Variants in SATB1 observed in about 807,000 individuals in gnomAD.
The protein encoded by SATB1 is SATB homeobox 1.
In SATB1, 11 loss-of-function variants were observed where a neutral mutation model predicts 86.9. The ratio of observed to expected loss-of-function variants is 0.13; its 90% CI spans 0.08 to 0.21. The LOEUF is 0.21. Among genes scored for constraint, SATB1 ranks in the 10% least tolerant of loss-of-function variants. The probability of loss-of-function intolerance (pLI) is 1.00; values close to 1 mark genes in which losing one functional copy is unlikely to be tolerated. For missense variants in SATB1, 551 were observed against 937.6 expected, an observed-to-expected ratio of 0.59 and a Z score of 5.39; for synonymous variants, 357 against 357.2, an observed-to-expected ratio of 1.00 and a Z score of 0.01.
Position 18,349,248 on chromosome 3 carries a change from G to A in SATB1, c.2214C>T (p.Asn738=), listed in dbSNP as rs918839332. 3 of 1,614,186 alleles carry A rather than the reference G, an allele frequency of 1.9e-6. No individual in the cohort carries two copies. The highest frequency in any genetic ancestry group is 2.2e-5 in the South Asian group (2 of 91,086). Residue 738 remains asparagine (N), a synonymous_variant, in exon 11 of 11, where the codon AAC becomes AAT. Transcript: ENST00000338745. The surrounding 1 kb of genome is among the most constrained non-coding windows in gnomAD (Gnocchi z 5.5). Reference sequence around the variant, plus strand: ...CTTCTAGTTTCACTGAAAAAAGGGTGTTAGTATTTTTATCTTGGACACTCT... The same window carrying A: ...CTTCTAGTTTCACTGAAAAAAGGGTATTAGTATTTTTATCTTGGACACTCT... ...LEESVQDKNT[N]TLFSVKLEEE...
rs1160995358 is a variant in SATB1 at position 18,348,340 on chromosome 3, A to AT, written c.*829dup. ...TTTTATAGGCAACTGTGTAAAGCAC[A>AT]TTTTCTCTATTTAAAACTTTTAAGA... On this transcript the variant is annotated 3_prime_UTR_variant, in exon 11 of 11. Transcript: ENST00000338745. 6.6e-6 allele frequency: 1 copy of AT among 152,604 alleles called. No individual in the cohort carries two copies. The highest frequency in any genetic ancestry group is 1.5e-5 in the Non-Finnish European group (1 of 68,030). 9.5% of individuals were successfully genotyped at this position (152,604 alleles called of 1,614,324 possible).
chr3:18,403,075 T>G (rs1204445988), intron 5 of SATB1, among the ~76,000 whole-genome samples: 2 of 152,126 alleles, frequency 1.3e-5, no homozygotes, highest in Non-Finnish European at 2.9e-5. Flanking sequence ...TCAAAAGACA[T>G]GCAGACCATC....
chr3:18,439,238 A>T (rs187609099), upstream of SATB1, among the ~76,000 whole-genome samples: 1 of 152,352 alleles, frequency 6.6e-6, no homozygotes, highest in East Asian at 1.9e-4. Context: ...TACATCCTTG[A>T]AAGTCCATTG....
At chr3:18,428,081 A>G (rs572767542), upstream of SATB1, among the ~76,000 whole-genome samples, 5 of 152,364 alleles carry the variant, frequency 3.3e-5, no homozygotes, top group South Asian at 6.2e-4. Flanking sequence ...TCTGTTCCTT[A>G]TAACAGAATA....
chr3:18,392,778 T>C (rs1393105155), intron 7 of SATB1, among the ~76,000 whole-genome samples: 4 of 152,096 alleles, frequency 2.6e-5, no homozygotes. Context: ...AACAGGAATA[T>C]TTAGAGGGTT....
chr3:18,364,235 C>T lies in SATB1; in HGVS notation c.1576-12040G>A, dbSNP rs1028790342. ...GCCCATGGATGCCTTTTCAGAACAG[C>T]GTTTTTATGTGCCTGAAATAAAATA... On this transcript the variant is annotated intron_variant, in intron 9 of 10. Transcript: ENST00000338745. Among the ~76,000 whole-genome samples, 10 of 151,904 alleles carry T rather than the reference C, an allele frequency of 6.6e-5. No homozygotes were observed. The South Asian group carries it at 1.0e-3, about 16-fold the overall frequency.
intron 9 of SATB1, among the ~76,000 whole-genome samples, chr3:18,356,752 C>T (rs1207625128): frequency 6.6e-6 from 1 of 151,820 alleles, no homozygotes; most frequent in Non-Finnish European, 1.5e-5. Flanking sequence ...AACATTTTAA[C>T]AGATAAGGAA....
At chr3:18,408,604 G>A (rs1697671060) in intron 5 of SATB1, 2 of 151,790 alleles carry the variant, frequency 1.3e-5, no homozygotes, top group African/African-American at 4.8e-5. Flanking sequence ...CATACTCAGA[G>A]CACGTTATAA....
chr3:18,358,479 G>T (rs1013816904), intron 9 of SATB1, among the ~76,000 whole-genome samples: 4 of 151,942 alleles, frequency 2.6e-5, no homozygotes, highest in Non-Finnish European at 5.9e-5. Context: ...TGTGTAAAGT[G>T]AAAAGAACCT....
intron 9 of SATB1, among the ~76,000 whole-genome samples, chr3:18,369,410 G>A (rs1695347755): frequency 6.6e-6 from 1 of 151,802 alleles, no homozygotes; most frequent in African/African-American, 2.4e-5. Context: ...TATAAAAATG[G>A]AATTTGATGA....
At position 18,351,328 on chromosome 3, in the gene SATB1, G is replaced by A. The variant is rs759197920; in HGVS notation, c.1779+664C>T. 5.8e-6 allele frequency: 9 copies of A among 1,548,322 alleles called. No individual in the cohort carries two copies. The South Asian group carries it at 7.1e-5, about 12-fold the overall frequency. On this transcript the variant is annotated intron_variant, in intron 10 of 10. Coordinates refer to ENST00000338745, the MANE Select transcript of SATB1 (RefSeq NM_002971.6). ...GCCCGCTCACCTGAGGAGCAGCACC[G>A]AGCCATGGTGCAGGGGTCGGCAGGC...
chr3:18,414,969 G>A (rs1698038673), intron 5 of SATB1, 142 bp downstream of exon 5: 2 of 817,658 alleles, frequency 2.4e-6, no homozygotes, highest in African/African-American at 1.7e-5. Context: ...TATTTTAAAA[G>A]GTCACCAGTG....
At chr3:18,414,023 A>G (rs1383916030) in intron 5 of SATB1, among the ~76,000 whole-genome samples, 1 of 152,130 alleles carries the variant, frequency 6.6e-6, no homozygotes, top group Non-Finnish European at 1.5e-5. Context: ...AATATCTGCT[A>G]CTCAGAATAT....
At position 18,386,625 on chromosome 3, in the gene SATB1, A is replaced by G. The variant is rs762268513; in HGVS notation, c.1207-14T>C. ...TGAAAGCAAGCCCTGCAAGAAATGA[A>G]AGGCACAGGGTGAGCCTGCTGCCTT... On this transcript the variant is annotated splice_polypyrimidine_tract_variant and intron_variant, in intron 7 of 10. Coordinates refer to ENST00000338745, the MANE Select transcript of SATB1 (RefSeq NM_002971.6). The surrounding 1 kb of genome is among the most constrained non-coding windows in gnomAD (Gnocchi z 4.5). 1.2e-6 allele frequency: 2 copies of G among 1,611,376 alleles called. No homozygotes were observed. Among genetic ancestry groups the G allele is most frequent in the Non-Finnish European group, 1.7e-6 (2 of 1,177,738 alleles).
intron 9 of SATB1, among the ~76,000 whole-genome samples, chr3:18,360,801 C>T (rs914448800): frequency 1.3e-5 from 2 of 152,074 alleles, no homozygotes; most frequent in African/African-American, 4.8e-5. Context: ...ACTGAAAGCA[C>T]TTGCCTTAAA....
intron 5 of SATB1, among the ~76,000 whole-genome samples, chr3:18,413,806 GAATA>G (rs1180933784): frequency 6.6e-6 from 1 of 151,988 alleles, no homozygotes; most frequent in Non-Finnish European, 1.5e-5. Flanking sequence ...GCTTATTTTA[GAATA>G]TATAGAAAGC....
intron 10 of SATB1, chr3:18,351,501 C>A: frequency 2.2e-6 from 2 of 922,304 alleles, no homozygotes; most frequent in Admixed American, 2.5e-5. Flanking sequence ...AAGGAAGGGC[C>A]AAGGACTGTA....
At chr3:18,398,526 T>C (rs1238633176) in intron 5 of SATB1, among the ~76,000 whole-genome samples, 1 of 152,182 alleles carries the variant, frequency 6.6e-6, no homozygotes, top group Non-Finnish European at 1.5e-5. Context: ...ATTATCTTCT[T>C]TAAGTTACCT....
intron 2 of SATB1, among the ~76,000 whole-genome samples, chr3:18,436,506 CAAAAAAAA>C (rs71055011): frequency 1.8e-5 from 2 of 113,852 alleles, no homozygotes; most frequent in Non-Finnish European, 1.9e-5. Context: ...CAGGTGCTAC[CAAAAAAAA>C]AAAAAAAAAA....
Sources: gnomAD v4.1 joint callset for allele counts (sites outside exome capture counted in the v4.1 genomes callset) on GRCh38, gnomAD v4.1.1 for gene constraint, Gnocchi (gnomAD v3.1) non-coding constraint, MANE v1.5 for transcripts, NCBI Gene and HGNC (gene_info 2026-07-23, HGNC 2026-07-21) for gene names.